The following ANKS1B variants were observed in gnomAD, a reference collection of about 807,000 sequenced individuals.
ANKS1B encodes ankyrin repeat and sterile alpha motif domain-containing protein 1B.
In ANKS1B, 36 loss-of-function variants were observed where a neutral mutation model predicts 148.3. The observed-to-expected ratio is 0.24, with a 90% CI of 0.19 to 0.32. The LOEUF (loss-of-function observed/expected upper bound fraction) is 0.32. Ranked by LOEUF, ANKS1B falls within the 10% of genes least tolerant of loss-of-function variation. The probability of loss-of-function intolerance (pLI) is 1.00; values close to 1 mark genes in which losing one functional copy is unlikely to be tolerated. For missense variants in ANKS1B, 1,157 were observed against 1,542.6 expected (o/e 0.75, Z 4.19); for synonymous variants, 542 against 560.8 (o/e 0.97, Z 0.47).
chr12:99,979,163 A>AG (rs2095662949), intron 1 of ANKS1B, among the ~76,000 whole-genome samples: 1 of 152,126 alleles, frequency 6.6e-6, no homozygotes, highest in Non-Finnish European at 1.5e-5. Flanking sequence ...AAAAGGAGGG[A>AG]GGCAACTCAA....
chr12:98,959,860 C>A (rs762182289), intron 17 of ANKS1B, among the ~76,000 whole-genome samples: 1 of 152,154 alleles, frequency 6.6e-6, no homozygotes, highest in African/African-American at 2.4e-5. Flanking sequence ...CACCATGGAC[C>A]TAGGGTAGTG....
intron 17 of ANKS1B, among the ~76,000 whole-genome samples, chr12:98,859,267 C>G (rs1320008716): frequency 6.6e-6 from 1 of 152,172 alleles, no homozygotes; most frequent in East Asian, 1.9e-4. Flanking sequence ...TATCAGAGCC[C>G]AAGTCTTCAA....
At chr12:99,619,719 T>C (rs1224257937) in intron 9 of ANKS1B, among the ~76,000 whole-genome samples, 1 of 152,132 alleles carries the variant, frequency 6.6e-6, no homozygotes, top group Non-Finnish European at 1.5e-5. Flanking sequence ...CCTATTCTCC[T>C]AGATTAGGAG....
Position 99,028,396 on chromosome 12 carries a change from A to G in ANKS1B, c.2778+24761T>C, listed in dbSNP as rs533225798. Among the ~76,000 whole-genome samples, 4 of 152,332 alleles carry G rather than the reference A, an allele frequency of 2.6e-5. No individual in the cohort carries two copies. The South Asian group carries it at 8.3e-4, about 32-fold the overall frequency. On this transcript the variant is annotated intron_variant, in intron 17 of 26. Transcript: ENST00000683438. ...TTAGGGAGTAAAAGTATGGGGAGACATTGTAACAACAGCTATAGCGTCAAA... is the reference window on the plus strand; with the variant it reads ...TTAGGGAGTAAAAGTATGGGGAGACGTTGTAACAACAGCTATAGCGTCAAA...
chr12:98,790,180 G>A (rs753383721), intron 22 of ANKS1B, among the ~76,000 whole-genome samples: 4 of 152,200 alleles, frequency 2.6e-5, no homozygotes, highest in Non-Finnish European at 5.9e-5. Flanking sequence ...TGCAACTTCT[G>A]TGTTTTTTGG....
At chr12:99,390,524 A>G (rs1458319452) in intron 12 of ANKS1B, among the ~76,000 whole-genome samples, 1 of 152,222 alleles carries the variant, frequency 6.6e-6, no homozygotes, top group Non-Finnish European at 1.5e-5. Flanking sequence ...GAGGATAGGG[A>G]AATAGTTCTA....
At chr12:99,825,682 G>C (rs570943884) in intron 1 of ANKS1B, among the ~76,000 whole-genome samples, 1 of 152,220 alleles carries the variant, frequency 6.6e-6, no homozygotes, top group African/African-American at 2.4e-5. Context: ...ACTTTCTATC[G>C]TTACTTAAAT....
At chr12:99,088,211 AT>A (rs2153636931) in intron 15 of ANKS1B, among the ~76,000 whole-genome samples, 1 of 152,284 alleles carries the variant, frequency 6.6e-6, no homozygotes, top group Non-Finnish European at 1.5e-5. Flanking sequence ...TTTTTCTATA[AT>A]ACATAGGGAT....
chr12:99,337,411 T>C (rs2089120197), intron 12 of ANKS1B, among the ~76,000 whole-genome samples: 1 of 152,120 alleles, frequency 6.6e-6, no homozygotes, highest in Non-Finnish European at 1.5e-5. Context: ...CTGTATTATC[T>C]TGAATTTCAA....
At chr12:99,022,928 T>G (rs1332556419) in intron 17 of ANKS1B, among the ~76,000 whole-genome samples, 1 of 152,180 alleles carries the variant, frequency 6.6e-6, no homozygotes, top group Non-Finnish European at 1.5e-5. Context: ...AATTTTACTG[T>G]AAATCTGTAT....
chr12:98,965,848 T>C, intron 17 of ANKS1B, among the ~76,000 whole-genome samples: 1 of 152,172 alleles, frequency 6.6e-6, no homozygotes, highest in Non-Finnish European at 1.5e-5. Flanking sequence ...TAGCCATATG[T>C]AGAAAGCTGA....
chr12:99,793,727 A>G (rs1449729593), intron 4 of ANKS1B, among the ~76,000 whole-genome samples: 1 of 152,106 alleles, frequency 6.6e-6, no homozygotes, highest in Non-Finnish European at 1.5e-5. Flanking sequence ...GCTACCAAAA[A>G]ACTTTGAGAA....
At chr12:99,264,557 T>C (rs551906343) in intron 12 of ANKS1B, among the ~76,000 whole-genome samples, 2 of 152,140 alleles carry the variant, frequency 1.3e-5, no homozygotes, top group Non-Finnish European at 1.5e-5. Flanking sequence ...CTGAATATCA[T>C]TGAGATCCAT....
chr12:99,902,939 T>TTGTTGC (rs1260003312), intron 1 of ANKS1B, among the ~76,000 whole-genome samples: 51 of 142,474 alleles, frequency 3.6e-4, no homozygotes, highest in African/African-American at 1.3e-3. Context: ...GTTGTTGCTG[T>TTGTTGC]TGTTGTTTTT....
At chr12:99,850,088 G>C (rs1391094612) in intron 1 of ANKS1B, among the ~76,000 whole-genome samples, 1 of 152,114 alleles carries the variant, frequency 6.6e-6, no homozygotes, top group Non-Finnish European at 1.5e-5. Context: ...AGCAGGAATG[G>C]AGATTTCATT....
chr12:99,276,300 A>G (rs1260847958), intron 12 of ANKS1B, among the ~76,000 whole-genome samples: 1 of 152,166 alleles, frequency 6.6e-6, no homozygotes, highest in African/African-American at 2.4e-5. Flanking sequence ...CTGAAGCTCT[A>G]ACTCCTAGTA....
chr12:99,074,268 G>A (rs564768483), intron 16 of ANKS1B, among the ~76,000 whole-genome samples: 6 of 151,852 alleles, frequency 4.0e-5, no homozygotes, highest in African/African-American at 1.4e-4. Flanking sequence ...AAGGAGATTA[G>A]GAGTAAAAGT....
At chr12:99,315,238 CA>C (rs797010918) in intron 12 of ANKS1B, among the ~76,000 whole-genome samples, 107 of 84,682 alleles carry the variant, frequency 1.3e-3, no homozygotes, top group South Asian at 3.7e-3. Flanking sequence ...GACTTCATCT[CA>C]AAAAAAAAAA....
chr12:98,840,919 A>G (rs1266745225), intron 17 of ANKS1B, among the ~76,000 whole-genome samples: 1 of 152,212 alleles, frequency 6.6e-6, no homozygotes, highest in Admixed American at 6.5e-5. Flanking sequence ...TTGTTACAAA[A>G]GAAAATGGGA....
Sources: allele counts gnomAD v4.1 joint callset (sites outside exome capture counted in the v4.1 genomes callset), GRCh38; gene constraint gnomAD v4.1.1; transcripts MANE v1.5; gene names NCBI Gene and HGNC (gene_info 2026-07-23, HGNC 2026-07-21).